Variants in SLC18A1 observed in about 807,000 individuals in gnomAD.
SLC18A1 encodes solute carrier family 18 member A1.
SLC18A1 carries 69 observed loss-of-function variants against 53.7 expected under a neutral mutation model. That is an observed-to-expected ratio of 1.28 (90% CI 1.06 to 1.57). The LOEUF is 1.57. Ranked by LOEUF, SLC18A1 falls within the 40% of genes most tolerant of loss-of-function variation. SLC18A1 has a pLI of 0.00. For synonymous variants in SLC18A1, 320 were observed against 248.1 expected, an observed-to-expected ratio of 1.29 and a Z score of -2.72; for missense variants, 932 against 668.1, an observed-to-expected ratio of 1.40 and a Z score of -4.35.
At chr8:20,163,370 A>T (rs892785114) in intron 10 of SLC18A1, among the ~76,000 whole-genome samples, 1 of 152,138 alleles carries the variant, frequency 6.6e-6, no homozygotes, top group Non-Finnish European at 1.5e-5. Context: ...GGACACATTC[A>T]CACCATATCA....
chr8:20,164,864 C>T lies in SLC18A1; in HGVS notation c.1015+5G>A, dbSNP rs771720348. ...GCCCTGAGCGGGGGTGCTGAGGTCA[C>T]TTACCCAGCTGCCACTTGGGGGAGC... On this transcript the variant is annotated splice_donor_5th_base_variant and intron_variant, in intron 10 of 15. Coordinates refer to ENST00000276373, the MANE Select transcript of SLC18A1 (RefSeq NM_003053.4). The T allele has an allele frequency of 5.6e-6, 9 of 1,603,940 alleles. No individual in the cohort carries two copies. Among genetic ancestry groups the T allele is most frequent in the African/African-American group, 1.3e-5 (1 of 74,746 alleles).
chr8:20,157,953 C>T lies in SLC18A1; in HGVS notation c.1015+6916G>A, dbSNP rs775673038. 3.3e-5 allele frequency among the ~76,000 whole-genome samples: 5 copies of T among 152,124 alleles called. No individual in the cohort carries two copies. The East Asian group carries it at 5.8e-4, about 18-fold the overall frequency. Reference sequence around the variant, plus strand: ...CAAGGACGCTTTAAAAAAGATTGTCCGAATAGAAATAAGCCACCCCCTCAT... The same window carrying T: ...CAAGGACGCTTTAAAAAAGATTGTCTGAATAGAAATAAGCCACCCCCTCAT... On this transcript the variant is annotated intron_variant, in intron 10 of 15. Coordinates refer to ENST00000276373, the MANE Select transcript of SLC18A1 (RefSeq NM_003053.4).
intron 12 of SLC18A1, chr8:20,148,596 G>A (rs1330219379): frequency 5.2e-6 from 3 of 577,596 alleles, no homozygotes; most frequent in Non-Finnish European, 8.9e-6. Context: ...TGTGGCTTGG[G>A]TCCCCTGTCA....
At chr8:20,167,371 T>G (rs1368415292) in intron 8 of SLC18A1, among the ~76,000 whole-genome samples, 1 of 152,092 alleles carries the variant, frequency 6.6e-6, no homozygotes, top group African/African-American at 2.4e-5. Context: ...GTAAGTAAAT[T>G]TTTTAATCTA....
At position 20,164,804 on chromosome 8, in the gene SLC18A1, C is replaced by T. The variant is rs757835343; in HGVS notation, c.1015+65G>A. On this transcript the variant is annotated intron_variant, in intron 10 of 15. Transcript: ENST00000276373. Reference sequence around the variant, plus strand: ...CATGTTGTCCCTGTGTGACATTGAACGAAAGGACTCATGGCACCCACCTCC... The same window carrying T: ...CATGTTGTCCCTGTGTGACATTGAATGAAAGGACTCATGGCACCCACCTCC... 597 of 1,257,476 alleles carry T rather than the reference C, an allele frequency of 4.7e-4. 2 individuals are homozygous for T. The highest frequency in any genetic ancestry group is 6.5e-4 in the Non-Finnish European group (577 of 886,980). 77.9% of individuals were successfully genotyped at this position (1,257,476 alleles called of 1,614,324 possible).
chr8:20,176,692 C>T (rs2072261925), intron 4 of SLC18A1, among the ~76,000 whole-genome samples: 2 of 152,272 alleles, frequency 1.3e-5, no homozygotes, highest in African/African-American at 4.8e-5. Context: ...ATACCCTAAA[C>T]ATCAAATGTA....
At chr8:20,179,770 C>G (rs1039218151) in intron 2 of SLC18A1, among the ~76,000 whole-genome samples, 1 of 152,232 alleles carries the variant, frequency 6.6e-6, no homozygotes, top group African/African-American at 2.4e-5. Context: ...TGACCTTATA[C>G]AGTTAGTCCT....
At position 20,166,304 on chromosome 8, in the gene SLC18A1, TATATATATATATATATATATATATATAC is replaced by T. The variant is rs1313004144; in HGVS notation, c.859-1225_859-1198del. Among the ~76,000 whole-genome samples, 16 of 95,764 alleles carry T rather than the reference TATATATATATATATATATATATATATAC, an allele frequency of 1.7e-4. 1 individual carries two copies. The highest frequency in any genetic ancestry group is 4.1e-4 in the East Asian group (1 of 2,460). 62.8% of individuals were successfully genotyped at this position (95,764 alleles called of 152,430 possible). ...GTGTGTGTGTCTATATATATATATATATATATATATATATATATATATATATACACCACCAGGTGGAAAATAATAAGGA... is the reference window on the plus strand; with the variant it reads ...GTGTGTGTGTCTATATATATATATATACCACCAGGTGGAAAATAATAAGGA... On this transcript the variant is annotated intron_variant, in intron 8 of 15. Transcript: ENST00000276373.
At chr8:20,154,902 G>A (rs2071644827) in intron 10 of SLC18A1, among the ~76,000 whole-genome samples, 1 of 152,036 alleles carries the variant, frequency 6.6e-6, no homozygotes, top group Non-Finnish European at 1.5e-5. Context: ...GATCTGGCAG[G>A]GTGTCCACTG....
Position 20,179,519 on chromosome 8 carries a change from G to A in SLC18A1, c.125-35C>T, listed in dbSNP as rs781004484. Reference sequence around the variant, plus strand: ...AAAGAGGACAGGTGATGGGGGCTAAGGACCGATGTCATCTTACCACTGAAA... The same window carrying A: ...AAAGAGGACAGGTGATGGGGGCTAAAGACCGATGTCATCTTACCACTGAAA... On this transcript the variant is annotated intron_variant, in intron 2 of 15. Coordinates refer to ENST00000276373, the MANE Select transcript of SLC18A1 (RefSeq NM_003053.4). The A allele has an allele frequency of 1.1e-5, 18 of 1,576,046 alleles. No homozygotes were observed. The East Asian group carries it at 3.4e-4, about 29-fold the overall frequency.
intron 1 of SLC18A1, among the ~76,000 whole-genome samples, 172 bp from the exon 2 acceptor site, chr8:20,181,259 G>T (rs953886278): frequency 6.6e-6 from 1 of 152,062 alleles, no homozygotes; most frequent in African/African-American, 2.4e-5. Flanking sequence ...TTTATATCTA[G>T]CCATTAATTT....
chr8:20,171,599 G>C, intron 6 of SLC18A1, 105 bp from the exon 7 acceptor site: 1 of 844,154 alleles, frequency 1.2e-6, no homozygotes, highest in South Asian at 1.4e-5. Flanking sequence ...CCTGCTAGGG[G>C]CTAAGCTCCA....
chr8:20,164,962 A>C lies in SLC18A1; in HGVS notation c.922T>G (p.Ser308Ala), dbSNP rs756289856. 1.2e-6 allele frequency: 2 copies of C among 1,613,898 alleles called. No individual in the cohort carries two copies. The highest frequency in any genetic ancestry group is 2.2e-5 in the East Asian group (1 of 44,860). Reference protein sequence around the residue: ...KDPYILVAAGSICFANMGVAI... With the variant: ...KDPYILVAAGAICFANMGVAI... ...ACCCCCATGTTGGCAAAGCAGATGG[A>C]CCCTGGGGAGACTGTTCTGTGAGCA... Residue 308 changes from serine to alanine, a missense_variant and splice_region_variant, in exon 10 of 16, where the codon TCC becomes GCC. Physicochemically the swap from Ser to Ala is moderately conservative, Grantham distance 99. Transcript: ENST00000276373.
rs1272711520 is a variant in SLC18A1 at position 20,179,482 on chromosome 8, G to A, written c.127C>T (p.Pro43Ser). The change falls in exon 3 of 16, where the codon CCA becomes TCA. Residue 43 changes from proline (P) to serine (S), a missense_variant and splice_region_variant. Pro to Ser is a moderately conservative substitution (Grantham distance 74). Coordinates refer to ENST00000276373, the MANE Select transcript of SLC18A1 (RefSeq NM_003053.4). ...LDNMLFTVVV[P>S]IVPTFLYDME... is the part of the protein sequence containing the mutation. ...TCATATAGGAAGGTGGGCACAATTG[G>A]CACTGAAAGTCAAAGAGGACAGGTG... The A allele has an allele frequency of 2.5e-6, 4 of 1,607,554 alleles. No individual in the cohort carries two copies. The highest frequency in any genetic ancestry group is 3.4e-6 in the Non-Finnish European group (4 of 1,176,324).
In SLC18A1 at chr8:20,174,430, C is replaced by T; in HGVS notation, c.562G>A (p.Gly188Arg). 1 of 1,613,682 alleles carries T rather than the reference C, an allele frequency of 6.2e-7. No individual in the cohort carries two copies. The highest frequency in any genetic ancestry group is 1.1e-5 in the South Asian group (1 of 91,030). The change falls in exon 5 of 16, where the codon GGG becomes AGG. Residue 188 changes from glycine to arginine, a missense_variant. Coordinates refer to ENST00000276373, the MANE Select transcript of SLC18A1 (RefSeq NM_003053.4). ...GCCACAAAGAGTAGAGTATAGGTCC[C>T]AGAAAAAGCAAACACTGGGCAGAGA... The part of the protein sequence containing the change: ...FLSTVMFAFS[G>R]TYTLLFVART...
intron 10 of SLC18A1, among the ~76,000 whole-genome samples, chr8:20,153,239 C>T (rs1272926646): frequency 1.3e-5 from 2 of 152,054 alleles, no homozygotes; most frequent in African/African-American, 2.4e-5. Context: ...AGCCCCATGC[C>T]ATGGCTCAGT....
At chr8:20,176,444 CTTTA>C (rs2072253844) in intron 4 of SLC18A1, among the ~76,000 whole-genome samples, 1 of 152,136 alleles carries the variant, frequency 6.6e-6, no homozygotes, top group African/African-American at 2.4e-5. Flanking sequence ...TCAGGTACTC[CTTTA>C]TAGCAATGCT....
At chr8:20,148,196 G>C (rs1585187383) in intron 12 of SLC18A1, 126 bp from the exon 13 acceptor site, 1 of 801,268 alleles carries the variant, frequency 1.2e-6, no homozygotes, top group Non-Finnish European at 2.1e-6. Flanking sequence ...TCATCCTCCT[G>C]CACTCTCAGA....
At chr8:20,166,528 C>T (rs2071970963) in intron 8 of SLC18A1, among the ~76,000 whole-genome samples, 1 of 151,034 alleles carries the variant, frequency 6.6e-6, no homozygotes, top group African/African-American at 2.4e-5. Context: ...ACAGGAAAGA[C>T]AAACCAGAAG....
Sources: allele counts gnomAD v4.1 joint callset (sites outside exome capture counted in the v4.1 genomes callset), GRCh38; gene constraint gnomAD v4.1.1; transcripts MANE v1.5; gene names NCBI Gene and HGNC (gene_info 2026-07-23, HGNC 2026-07-21).